The following TEX11 variants were observed in gnomAD, a reference collection of about 807,000 sequenced individuals.
TEX11 encodes the protein testis expressed 11, also known as testis-expressed protein 11.
In TEX11, 7 loss-of-function variants were observed where a neutral mutation model predicts 84.4. The ratio of observed to expected loss-of-function variants is 0.08; its 90% CI spans 0.05 to 0.16. The LOEUF is 0.16. TEX11 is among the 10% of genes least tolerant of loss of function. The probability of loss-of-function intolerance (pLI) is 1.00; values close to 1 mark genes in which losing one functional copy is unlikely to be tolerated. For synonymous variants in TEX11, 264 were observed against 222.8 expected (o/e 1.18, Z -1.64); for missense variants, 551 against 660.5 (o/e 0.83, Z 1.82).
intron 11 of TEX11, among the ~76,000 whole-genome samples, chrX:70,732,408 T>A (rs1387893660): frequency 2.7e-5 from 3 of 111,654 alleles, no homozygotes; most frequent in East Asian, 5.6e-4. Context: ...AACCCCATCG[T>A]CTCAGCCCAA....
chrX:70,806,935 A>C, intron 8 of TEX11, 145 bp from the exon 9 acceptor site: 2 of 412,435 alleles, frequency 4.8e-6, no homozygotes, highest in East Asian at 4.1e-5. Flanking sequence ...AAAACAAACA[A>C]ACAAAAACAT....
chrX:70,728,280 T>C (rs1020560307), intron 11 of TEX11, among the ~76,000 whole-genome samples: 5 of 112,208 alleles, frequency 4.5e-5, no homozygotes, highest in Admixed American at 9.4e-5. Context: ...ACTGAGGTAC[T>C]GGGTGCATCT....
chrX:70,561,865 A>G (rs1043205368), intron 25 of TEX11, among the ~76,000 whole-genome samples: 7 of 112,415 alleles, frequency 6.2e-5, no homozygotes, highest in Non-Finnish European at 1.1e-4. Flanking sequence ...TTAGGTAACA[A>G]TTAATGTAAA....
intron 8 of TEX11, among the ~76,000 whole-genome samples, chrX:70,807,853 G>C (rs754495175): frequency 2.7e-5 from 3 of 110,170 alleles, no homozygotes; most frequent in Admixed American, 9.8e-5. Flanking sequence ...CCTGTAATCC[G>C]AGCGCTTTGA....
intron 11 of TEX11, among the ~76,000 whole-genome samples, chrX:70,727,039 C>G (rs7053941): frequency 0.079 from 8,712 of 110,616 alleles, 430 homozygotes; most frequent in Admixed American, 0.24. Context: ...TTTCTTTTCA[C>G]CAGTTACTGA....
intron 9 of TEX11, among the ~76,000 whole-genome samples, chrX:70,799,617 C>A (rs762366094): frequency 8.9e-6 from 1 of 112,315 alleles, no homozygotes; most frequent in South Asian, 3.7e-4. Context: ...TAGACCACTT[C>A]CACTTCTTGG....
chrX:70,860,186 G>A (rs919320532), intron 5 of TEX11, among the ~76,000 whole-genome samples: 2 of 111,239 alleles, frequency 1.8e-5, no homozygotes, highest in African/African-American at 6.5e-5. Context: ...TTGAAAGAAG[G>A]AAAACACACA....
At chrX:70,693,839 C>A (rs767721330) in intron 13 of TEX11, among the ~76,000 whole-genome samples, 7 of 111,547 alleles carry the variant, frequency 6.3e-5, no homozygotes, top group Non-Finnish European at 1.3e-4. Context: ...TTGTGGTAAT[C>A]ATTTCACAAT....
chrX:70,684,518 G>A (rs2090172087), intron 13 of TEX11, among the ~76,000 whole-genome samples: 1 of 111,816 alleles, frequency 8.9e-6, no homozygotes, highest in Non-Finnish European at 1.9e-5. Flanking sequence ...CCCAGGAGGT[G>A]GAGGTTGCAG....
intron 9 of TEX11, among the ~76,000 whole-genome samples, chrX:70,775,823 G>T (rs1349445898): frequency 2.3e-5 from 1 of 44,422 alleles, no homozygotes; most frequent in Non-Finnish European, 4.6e-5. Flanking sequence ...CATACAAATG[G>T]CCAAACAAGT....
Position 70,529,154 on chromosome X carries a change from A to G in TEX11, c.2719T>C (p.Leu907=). Residue 907 remains leucine (L), a synonymous_variant, in exon 30 of 30, where the codon TTG becomes CTG. Transcript: ENST00000374333. ...AAAACTGGGCCCTTGTTGTTACTCA[A>G]TGCTTCCACAAGCTGACTATACAGC... is the stretch of plus-strand genomic sequence containing the variant. ...NMLYSQLVEA[L]SNNKGPVFHE... 2 of 1,209,599 alleles carry G rather than the reference A, an allele frequency of 1.7e-6. No homozygotes were observed. Among genetic ancestry groups the G allele is most frequent in the East Asian group, 3.0e-5 (1 of 33,811 alleles).
At chrX:70,731,794 C>T (rs1275718570) in intron 11 of TEX11, among the ~76,000 whole-genome samples, 3 of 110,649 alleles carry the variant, frequency 2.7e-5, no homozygotes, top group African/African-American at 9.9e-5. Context: ...TCCTCCCTAA[C>T]TCATTTTATG....
intron 13 of TEX11, among the ~76,000 whole-genome samples, chrX:70,721,895 G>C (rs1021514061): frequency 1.8e-5 from 2 of 111,599 alleles, no homozygotes; most frequent in African/African-American, 3.3e-5. Context: ...GACACAAACT[G>C]GGAGGAATAG....
intron 5 of TEX11, among the ~76,000 whole-genome samples, chrX:70,853,534 T>C (rs1339330029): frequency 9.0e-6 from 1 of 111,706 alleles, no homozygotes; most frequent in Non-Finnish European, 1.9e-5. Context: ...AAGACAAAAA[T>C]AATAGCAAAA....
intron 11 of TEX11, among the ~76,000 whole-genome samples, chrX:70,730,187 C>A (rs943545230): frequency 7.3e-4 from 82 of 111,848 alleles, no homozygotes; most frequent in African/African-American, 2.5e-3. Context: ...ACAACCGGTA[C>A]AAGACACTGC....
chrX:70,654,136 T>C (rs2089837887), intron 16 of TEX11, among the ~76,000 whole-genome samples: 1 of 111,600 alleles, frequency 9.0e-6, no homozygotes, highest in Admixed American at 9.5e-5. Context: ...ACATATGATG[T>C]ACAACACAAA....
At chrX:70,730,166 C>T (rs1408401925) in intron 11 of TEX11, among the ~76,000 whole-genome samples, 1 of 111,912 alleles carries the variant, frequency 8.9e-6, no homozygotes, top group African/African-American at 3.2e-5. Context: ...AAGCACTAAA[C>T]ATGGAAAGGA....
intron 9 of TEX11, among the ~76,000 whole-genome samples, chrX:70,757,753 T>A (rs1394699830): frequency 1.8e-5 from 2 of 111,458 alleles, no homozygotes; most frequent in African/African-American, 6.5e-5. Context: ...AATGACAGGA[T>A]CAAATTCACT....
chrX:70,854,494 G>T (rs574702744), intron 5 of TEX11, among the ~76,000 whole-genome samples: 2 of 111,785 alleles, frequency 1.8e-5, no homozygotes, highest in South Asian at 7.5e-4. Flanking sequence ...AGTTTGTGAG[G>T]CTGAGGTGAA....
Sources: allele counts gnomAD v4.1 joint callset (sites outside exome capture counted in the v4.1 genomes callset), GRCh38; gene constraint gnomAD v4.1.1; transcripts MANE v1.5; gene names NCBI Gene and HGNC (gene_info 2026-07-23, HGNC 2026-07-21).